SIN3B: variants seen among roughly 807,000 people sequenced by gnomAD.
SIN3B encodes paired amphipathic helix protein Sin3b.
A neutral mutation model predicts 120.2 loss-of-function variants in SIN3B; 19 were observed. The ratio of observed to expected loss-of-function variants is 0.16; its 90% CI spans 0.11 to 0.23. SIN3B has a LOEUF of 0.23. Among genes scored for constraint, SIN3B ranks in the 10% least tolerant of loss-of-function variants. The pLI is 1.00. For missense variants in SIN3B, 1,073 were observed against 1,573.0 expected (o/e 0.68, Z 5.38); for synonymous variants, 654 against 653.2 (o/e 1.00, Z -0.02).
At chr19:16,873,086 T>G (rs2051533723) in intron 14 of SIN3B, among the ~76,000 whole-genome samples, 2 of 151,800 alleles carry the variant, frequency 1.3e-5, no homozygotes, top group Non-Finnish European at 2.9e-5. Flanking sequence ...GTGTCCTCCC[T>G]GGGGCTCAGG....
At chr19:16,856,165 G>A (rs1403488906) in intron 8 of SIN3B, among the ~76,000 whole-genome samples, 3 of 152,196 alleles carry the variant, frequency 2.0e-5, no homozygotes, top group East Asian at 1.9e-4. Context: ...TCAGCCTCAG[G>A]AAGGGGCTGG....
At chr19:16,863,424 C>T in intron 9 of SIN3B, 1 of 548,934 alleles carries the variant, frequency 1.8e-6, no homozygotes, top group Non-Finnish European at 3.2e-6. Flanking sequence ...CATTGGACAT[C>T]AGGGACTTGA....
At chr19:16,829,949 G>A (rs994332658) in intron 2 of SIN3B, 52 bp downstream of exon 2, 4 of 1,322,480 alleles carry the variant, frequency 3.0e-6, no homozygotes, top group East Asian at 4.6e-5. Flanking sequence ...GCCGGAATCG[G>A]GCCTAGCGGG....
chr19:16,835,780 A>G (rs1398263838), intron 3 of SIN3B, among the ~76,000 whole-genome samples: 2 of 152,074 alleles, frequency 1.3e-5, no homozygotes, highest in Non-Finnish European at 2.9e-5. Context: ...CAGCCTCCCA[A>G]AGTGTTGAGA....
At chr19:16,843,756 C>T (rs1317371917) in intron 4 of SIN3B, among the ~76,000 whole-genome samples, 1 of 152,242 alleles carries the variant, frequency 6.6e-6, no homozygotes, top group Admixed American at 6.5e-5. Context: ...CCAACCCAAA[C>T]CGGGCTGCTG....
chr19:16,836,853 G>T (rs140479676), intron 3 of SIN3B, among the ~76,000 whole-genome samples: 131 of 152,308 alleles, frequency 8.6e-4, no homozygotes, highest in African/African-American at 3.0e-3. Context: ...GTTCTCTGGG[G>T]GAAGTCCCGC....
intron 2 of SIN3B, among the ~76,000 whole-genome samples, chr19:16,831,018 A>G (rs1308644032): frequency 6.6e-6 from 1 of 151,172 alleles, no homozygotes. Context: ...AGGCCTAGCC[A>G]GTCAGGAGAT....
At chr19:16,831,798 C>T in intron 3 of SIN3B, 151 bp downstream of exon 3, 1 of 651,316 alleles carries the variant, frequency 1.5e-6, no homozygotes, top group South Asian at 1.9e-5. Flanking sequence ...TAGCACAAAT[C>T]AAAATAGATA....
chr19:16,835,260 G>C (rs1039931366), intron 3 of SIN3B, among the ~76,000 whole-genome samples: 5 of 133,370 alleles, frequency 3.7e-5, no homozygotes, highest in African/African-American at 1.5e-4. Context: ...ACAGAGTCTC[G>C]CTGTGTTGCC....
chr19:16,849,072 A>G (rs1313977381), intron 5 of SIN3B, among the ~76,000 whole-genome samples: 1 of 152,256 alleles, frequency 6.6e-6, no homozygotes, highest in East Asian at 1.9e-4. Context: ...GCTATCTTGT[A>G]TATTTAGAAA....
chr19:16,877,742 A>C, intron 17 of SIN3B, 103 bp downstream of exon 17: 1 of 820,364 alleles, frequency 1.2e-6, no homozygotes, highest in Admixed American at 2.1e-5. Context: ...GTCTGGGAGC[A>C]CTTAGTAGGT....
intron 4 of SIN3B, chr19:16,846,547 A>G (rs1971481238): frequency 6.3e-6 from 1 of 158,266 alleles, no homozygotes; most frequent in Non-Finnish European, 1.4e-5. Flanking sequence ...GGATCAGGCC[A>G]TTTTCCTTGG....
At chr19:16,868,071 C>T (rs1456068524) in intron 12 of SIN3B, among the ~76,000 whole-genome samples, 2 of 152,192 alleles carry the variant, frequency 1.3e-5, no homozygotes, top group Non-Finnish European at 2.9e-5. Context: ...GTCAGAACCC[C>T]ATTCCATCAC....
chr19:16,832,240 C>T (rs1971288394), intron 3 of SIN3B, among the ~76,000 whole-genome samples: 1 of 149,678 alleles, frequency 6.7e-6, no homozygotes, highest in South Asian at 2.1e-4. Flanking sequence ...CTCTGTCACC[C>T]AGGCTGGAGT....
chr19:16,865,388 C>T (rs774726537), intron 10 of SIN3B, 22 bp from the exon 11 acceptor site: 28 of 1,567,672 alleles, frequency 1.8e-5, no homozygotes, highest in Non-Finnish European at 2.2e-5. Context: ...TGGCTGACCC[C>T]GTCCTGCCTT....
intron 4 of SIN3B, 101 bp downstream of exon 4, chr19:16,842,069 A>C: frequency 9.5e-7 from 1 of 1,051,554 alleles, no homozygotes; most frequent in Non-Finnish European, 1.4e-6. Context: ...AAAATCCTGT[A>C]AAATTCTAAT....
chr19:16,878,070 C>T (rs902958839), intron 17 of SIN3B, 113 bp from the exon 18 acceptor site: 1 of 868,120 alleles, frequency 1.2e-6, no homozygotes, highest in South Asian at 1.8e-5. Context: ...TCTGTGGACC[C>T]CTGGGAGGTA....
chr19:16,862,209 C>A lies in SIN3B; in HGVS notation c.1059-143C>A. On this transcript the variant is annotated intron_variant, in intron 8 of 18. Transcript: ENST00000248054. The surrounding 1 kb of genome is among the most constrained non-coding windows in gnomAD (Gnocchi z 4.7). ...GCAGTGACTTCCTGTGTATTGGATTCTTCCGCCTCTCATTCGCATCCATGA... is the reference window on the plus strand; with the variant it reads ...GCAGTGACTTCCTGTGTATTGGATTATTCCGCCTCTCATTCGCATCCATGA... The A allele has an allele frequency of 1.5e-6, 1 of 675,030 alleles. No homozygotes were observed. Among genetic ancestry groups the A allele is most frequent in the South Asian group, 1.9e-5 (1 of 52,840 alleles). The allele number at this position is 675,030 out of a possible 1,614,324, so 41.8% of individuals were successfully genotyped here.
chr19:16,830,034 AGCTCCTTCTCGTAACAAAAATGGAAAT>A, intron 2 of SIN3B, 137 bp downstream of exon 2: 2 of 617,248 alleles, frequency 3.2e-6, no homozygotes, highest in Non-Finnish European at 5.9e-6. Flanking sequence ...TCAGAGCCCT[AGCTCCTTCTCGTAACAAAAATGGAAAT>A]GGGTAGTACC....
Sources: allele counts gnomAD v4.1 joint callset (sites outside exome capture counted in the v4.1 genomes callset), GRCh38; gene constraint gnomAD v4.1.1; non-coding constraint Gnocchi (gnomAD v3.1); transcripts MANE v1.5; gene names NCBI Gene and HGNC (gene_info 2026-07-23, HGNC 2026-07-21).